The following ARHGEF3 variants were observed in gnomAD, a reference collection of about 807,000 sequenced individuals.
The protein encoded by ARHGEF3 is Rho guanine nucleotide exchange factor 3, also known as 59.8 kDA protein.
Under a neutral mutation model 63.2 loss-of-function variants are expected in ARHGEF3, and 28 were observed. That is an observed-to-expected ratio of 0.44 (90% CI 0.33 to 0.61). ARHGEF3 has a LOEUF of 0.61. ARHGEF3 is among the 20% of genes least tolerant of loss of function. The pLI, the probability that ARHGEF3 is intolerant of heterozygous loss-of-function variation, is 0.03. For synonymous variants in ARHGEF3, 266 were observed against 254.2 expected (o/e 1.05, Z -0.44); for missense variants, 533 against 659.3 (o/e 0.81, Z 2.10).
chr3:56,878,642 C>T (rs963394720), intron 4 of ARHGEF3, among the ~76,000 whole-genome samples: 3 of 152,106 alleles, frequency 2.0e-5, no homozygotes, highest in Non-Finnish European at 4.4e-5. Context: ...TCCATAAATC[C>T]CCTGAAATCA....
At chr3:56,781,701 T>C (rs1192775397) in intron 1 of ARHGEF3, among the ~76,000 whole-genome samples, 1 of 152,256 alleles carries the variant, frequency 6.6e-6, no homozygotes, top group African/African-American at 2.4e-5. Context: ...GTTAATATTA[T>C]TCTCTTTGTA....
At chr3:56,895,962 G>T (rs774056166) in intron 3 of ARHGEF3, among the ~76,000 whole-genome samples, 9 of 152,114 alleles carry the variant, frequency 5.9e-5, no homozygotes, top group Non-Finnish European at 8.8e-5. Flanking sequence ...CTTAGGAATT[G>T]TGCCTCAGCA....
At chr3:56,748,957 A>G (rs2034570100) in intron 6 of ARHGEF3, among the ~76,000 whole-genome samples, 3 of 148,608 alleles carry the variant, frequency 2.0e-5, no homozygotes, top group African/African-American at 5.0e-5. Context: ...AAATAAATCA[A>G]TTTTTCATGG....
At chr3:56,754,855 T>A in intron 3 of ARHGEF3, 126 bp downstream of exon 3, 1 of 1,303,446 alleles carries the variant, frequency 7.7e-7, no homozygotes, top group Non-Finnish European at 1.1e-6. Context: ...CAGACACTCT[T>A]GTTTATCCTT....
intron 1 of ARHGEF3, among the ~76,000 whole-genome samples, chr3:57,055,162 G>GTTTTTTTTTTTTTTTTTTTTTTTTTTT (rs1560165562): frequency 1.4e-5 from 2 of 139,800 alleles, no homozygotes; most frequent in African/African-American, 5.4e-5. Context: ...TTCTCTTTAT[G>GTTTTTTTTTTTTTTTTTTTTTTTTTTT]CTTTTTTTTT....
Position 56,773,558 on chromosome 3 carries a change from T to C in ARHGEF3, c.204+151A>G, listed in dbSNP as rs2036121079. The stretch of plus-strand genomic sequence containing the variant: ...GACTGCAACTTGAAAAACATCTTTC[T>C]TCCTCCAAGTCCCCTCACTTGCACT... On this transcript the variant is annotated intron_variant, in intron 2 of 9. Coordinates refer to ENST00000296315, the MANE Select transcript of ARHGEF3 (RefSeq NM_019555.3). 3 of 627,574 alleles carry C rather than the reference T, an allele frequency of 4.8e-6. No homozygotes were observed. In the African/African-American group the frequency reaches 5.8e-5, roughly 12 times the overall value. The allele number at this position is 627,574 out of a possible 1,614,324, so 38.9% of individuals were successfully genotyped here. A position where few individuals can be genotyped will look rare whatever the true frequency, so the allele number is the denominator to read the frequency against.
chr3:56,811,409 A>G (rs2038059531), intron 4 of ARHGEF3, among the ~76,000 whole-genome samples: 1 of 152,144 alleles, frequency 6.6e-6, no homozygotes, highest in South Asian at 2.1e-4. Flanking sequence ...TGGGCAGAAG[A>G]CTTTAATTAC....
intron 2 of ARHGEF3, among the ~76,000 whole-genome samples, chr3:57,001,701 A>G (rs549654943): frequency 4.6e-5 from 7 of 152,180 alleles, no homozygotes; most frequent in Admixed American, 6.5e-5. Context: ...GAGCAGCCAT[A>G]GTGCAAACAT....
At chr3:56,852,360 A>G (rs1430121176) in intron 4 of ARHGEF3, among the ~76,000 whole-genome samples, 2 of 152,134 alleles carry the variant, frequency 1.3e-5, no homozygotes, top group Non-Finnish European at 2.9e-5. Flanking sequence ...AATCTGAGTA[A>G]GTGTTCTTTT....
chr3:56,996,107 T>C (rs1362536412), intron 2 of ARHGEF3, among the ~76,000 whole-genome samples: 1 of 152,132 alleles, frequency 6.6e-6, no homozygotes, highest in Non-Finnish European at 1.5e-5. Flanking sequence ...TCATCCCTTA[T>C]TCTCATTTTG....
intron 1 of ARHGEF3, among the ~76,000 whole-genome samples, chr3:57,045,688 T>C (rs550078036): frequency 1.3e-5 from 2 of 152,294 alleles, no homozygotes; most frequent in East Asian, 3.9e-4. Context: ...CCCACAGAGC[T>C]AGTGACCTTA....
intron 3 of ARHGEF3, 122 bp downstream of exon 3, chr3:56,754,859 T>C: frequency 7.5e-7 from 1 of 1,335,478 alleles, no homozygotes; most frequent in South Asian, 1.4e-5. Flanking sequence ...CACTCTTGTT[T>C]ATCCTTCTGC....
chr3:56,773,700 C>T lies in ARHGEF3; in HGVS notation c.204+9G>A, dbSNP rs758474336. 1.5e-5 allele frequency: 24 copies of T among 1,565,876 alleles called. No individual in the cohort carries two copies. The East Asian group carries it at 3.9e-4, about 26-fold the overall frequency. ...TTCTGCAACCACAGGCCCTGTGTGC[C>T]CTTCTTACCTGCAGGGTTTGACTGA... On this transcript the variant is annotated intron_variant, in intron 2 of 9. Transcript: ENST00000296315.
intron 3 of ARHGEF3, among the ~76,000 whole-genome samples, chr3:56,955,430 TGG>T (rs1700002503): frequency 6.6e-6 from 1 of 152,116 alleles, no homozygotes; most frequent in South Asian, 2.1e-4. Flanking sequence ...CTTGAACTCC[TGG>T]GCTCAAATGA....
intron 3 of ARHGEF3, among the ~76,000 whole-genome samples, chr3:56,891,843 G>A (rs2041132939): frequency 6.6e-6 from 1 of 152,060 alleles, no homozygotes; most frequent in South Asian, 2.1e-4. Context: ...GGCACCGGGG[G>A]GAAAATCATG....
chr3:56,804,654 C>G (rs957991878), upstream of ARHGEF3, among the ~76,000 whole-genome samples: 1 of 152,150 alleles, frequency 6.6e-6, no homozygotes, highest in Admixed American at 6.5e-5. Context: ...TAACCTGAAG[C>G]AATAGGAAGA....
At chr3:56,944,542 T>C (rs1343623741) in intron 3 of ARHGEF3, among the ~76,000 whole-genome samples, 1 of 149,950 alleles carries the variant, frequency 6.7e-6, no homozygotes, top group African/African-American at 2.4e-5. Flanking sequence ...GAGTTGCTTC[T>C]TATGGATGAG....
Position 56,843,909 on chromosome 3 carries a change from C to T in ARHGEF3, c.192+38383G>A, listed in dbSNP as rs190121495. ...ATTAGTTCTGTAATTCCCAGTGCAA[C>T]GGCAGGTTAACAGGACATAAAATCA... On this transcript the variant is annotated intron_variant, in intron 4 of 12. Transcript: ENST00000338458. Among the ~76,000 whole-genome samples the T allele has an allele frequency of 2.4e-3, 358 of 152,236 alleles. 1 individual carries two copies. Among genetic ancestry groups the T allele is most frequent in the Non-Finnish European group, 3.8e-3 (257 of 68,020 alleles).
Position 56,775,026 on chromosome 3 carries a change from CT to C in ARHGEF3, c.97-1211del, listed in dbSNP as rs1455683541. The C allele has an allele frequency of 1.9e-5, 29 of 1,548,100 alleles. No homozygotes were observed. The East Asian group carries it at 6.9e-4, about 37-fold the overall frequency. On this transcript the variant is annotated intron_variant, in intron 1 of 9. Coordinates refer to ENST00000296315, the MANE Select transcript of ARHGEF3 (RefSeq NM_019555.3). Reference sequence around the variant, plus strand: ...CTTGTCCTCCTAAGCTCCATCTGACCTGTAGTAGATGCTAGACAGCACATGA... The same window carrying C: ...CTTGTCCTCCTAAGCTCCATCTGACCGTAGTAGATGCTAGACAGCACATGA...
Sources: allele counts gnomAD v4.1 joint callset (sites outside exome capture counted in the v4.1 genomes callset), GRCh38; gene constraint gnomAD v4.1.1; transcripts MANE v1.5; gene names NCBI Gene and HGNC (gene_info 2026-07-23, HGNC 2026-07-21).